Variants in COMMD10 observed in about 807,000 individuals in gnomAD.
The protein encoded by COMMD10 is COMM domain containing 10.
A neutral mutation model predicts 28.9 loss-of-function variants in COMMD10; 33 were observed. That is an observed-to-expected ratio of 1.14 (90% CI 0.87 to 1.53). The LOEUF (loss-of-function observed/expected upper bound fraction) is 1.53, where lower values mean the gene tolerates loss of function less well. COMMD10 is among the 40% of genes most tolerant of loss of function. COMMD10 has a pLI of 0.00. For missense variants in COMMD10, 310 were observed against 233.4 expected (o/e 1.33, Z -2.14); for synonymous variants, 110 against 81.7 (o/e 1.35, Z -1.87).
At chr5:116,204,541 A>G (rs1482272130) in intron 5 of COMMD10, among the ~76,000 whole-genome samples, 1 of 152,088 alleles carries the variant, frequency 6.6e-6, no homozygotes, top group Non-Finnish European at 1.5e-5. Context: ...AATATCTAAT[A>G]GTATAATCTT....
intron 5 of COMMD10, among the ~76,000 whole-genome samples, chr5:116,279,757 A>T (rs1452679680): frequency 6.6e-6 from 1 of 151,830 alleles, no homozygotes; most frequent in Non-Finnish European, 1.5e-5. Context: ...TTGTTGGTCT[A>T]ATTGGTGTAA....
intron 5 of COMMD10, among the ~76,000 whole-genome samples, chr5:116,233,800 G>C (rs753199477): frequency 2.0e-5 from 3 of 152,142 alleles, no homozygotes; most frequent in Admixed American, 2.0e-4. Flanking sequence ...GATTGGAAGA[G>C]GAGAGGTGAG....
intron 5 of COMMD10, among the ~76,000 whole-genome samples, chr5:116,206,237 C>G (rs1748810192): frequency 6.6e-6 from 1 of 152,158 alleles, no homozygotes; most frequent in South Asian, 2.1e-4. Context: ...TTTAAACTTC[C>G]TACTCTATTT....
At chr5:116,248,264 A>G (rs927356734) in intron 5 of COMMD10, among the ~76,000 whole-genome samples, 3 of 152,010 alleles carry the variant, frequency 2.0e-5, no homozygotes, top group African/African-American at 7.2e-5. Flanking sequence ...GAGTGCATAA[A>G]TTGACTTAAG....
intron 4 of COMMD10, among the ~76,000 whole-genome samples, chr5:116,127,833 T>C (rs1021180093): frequency 3.9e-5 from 6 of 151,946 alleles, no homozygotes; most frequent in African/African-American, 1.4e-4. Flanking sequence ...GTAAATGACA[T>C]GTTAACGGGT....
At chr5:116,249,469 ATTC>A (rs751358572) in intron 5 of COMMD10, among the ~76,000 whole-genome samples, 5 of 151,984 alleles carry the variant, frequency 3.3e-5, no homozygotes, top group Non-Finnish European at 7.4e-5. Context: ...ATAAAAAAGA[ATTC>A]TTATATAAGC....
At chr5:116,281,478 T>C (rs901720393) in intron 5 of COMMD10, among the ~76,000 whole-genome samples, 1 of 151,804 alleles carries the variant, frequency 6.6e-6, no homozygotes, top group Admixed American at 6.6e-5. Flanking sequence ...ATTTTCACTT[T>C]CGTTTCACTT....
At position 116,207,550 on chromosome 5, in the gene COMMD10, A is replaced by G. The variant is rs190753398; in HGVS notation, c.510+73372A>G. Among the ~76,000 whole-genome samples the G allele has an allele frequency of 3.4e-4, 52 of 152,154 alleles. 1 individual carries two copies. The East Asian group carries it at 8.7e-3, about 25-fold the overall frequency. On this transcript the variant is annotated intron_variant, in intron 5 of 6. Coordinates refer to ENST00000274458, the MANE Select transcript of COMMD10 (RefSeq NM_016144.4). ...TTTCAGATTTTTTTTTCTTGAGACA[A>G]AGTCTCACTCTGTCACCCAAGCTGG... is the stretch of plus-strand genomic sequence containing the variant.
intron 5 of COMMD10, among the ~76,000 whole-genome samples, chr5:116,267,438 G>T (rs1303697392): frequency 1.3e-5 from 2 of 151,762 alleles, no homozygotes; most frequent in Non-Finnish European, 2.9e-5. Flanking sequence ...ACTGCTCAAC[G>T]AAATAAAAGA....
At chr5:116,285,379 C>A (rs1751190731) in intron 5 of COMMD10, among the ~76,000 whole-genome samples, 1 of 151,832 alleles carries the variant, frequency 6.6e-6, no homozygotes, top group African/African-American at 2.4e-5. Context: ...GGCCTGCCAC[C>A]CTTTCCTTTT....
chr5:116,150,447 A>G (rs149263341), intron 5 of COMMD10, among the ~76,000 whole-genome samples: 1 of 151,972 alleles, frequency 6.6e-6, no homozygotes, highest in Non-Finnish European at 1.5e-5. Flanking sequence ...TTACCTTGGG[A>G]AGTATGGCTA....
intron 5 of COMMD10, among the ~76,000 whole-genome samples, chr5:116,236,023 G>T (rs10077356): frequency 1.3e-5 from 2 of 151,740 alleles, no homozygotes; most frequent in Non-Finnish European, 1.5e-5. Flanking sequence ...TTTTATTTGC[G>T]GCATTATGTT....
chr5:116,192,978 C>T (rs1458180559), intron 5 of COMMD10, among the ~76,000 whole-genome samples: 3 of 152,166 alleles, frequency 2.0e-5, no homozygotes, highest in South Asian at 2.1e-4. Flanking sequence ...AGCAGAAACC[C>T]TATAAGCTAG....
intron 5 of COMMD10, among the ~76,000 whole-genome samples, chr5:116,206,272 G>GA (rs1158841709): frequency 6.6e-6 from 1 of 152,128 alleles, no homozygotes; most frequent in Non-Finnish European, 1.5e-5. Context: ...CCTTAGAGTT[G>GA]AAACAGCAGT....
rs1159702623 is a variant in COMMD10, at chr5:116,149,913, A to G, written c.510+15735A>G. 4.0e-4 allele frequency among the ~76,000 whole-genome samples: 60 copies of G among 151,808 alleles called. 1 individual carries two copies. The highest frequency in any genetic ancestry group is 3.9e-3 in the Admixed American group (59 of 15,222). On this transcript the variant is annotated intron_variant, in intron 5 of 6. Coordinates refer to ENST00000274458, the MANE Select transcript of COMMD10 (RefSeq NM_016144.4). ...TTGTTGCCATTGCTTTTGGTGTTTT[A>G]GACATGAAGTCGTTGCCCATGCCTA...
At chr5:116,165,188 T>C (rs994728050) in intron 5 of COMMD10, among the ~76,000 whole-genome samples, 1 of 152,222 alleles carries the variant, frequency 6.6e-6, no homozygotes, top group Non-Finnish European at 1.5e-5. Context: ...GTCTGAATTA[T>C]CTGGTTCCAT....
At chr5:116,225,353 G>GTTTTTTTTTTTTTTTTTTTTTT (rs143964154) in intron 5 of COMMD10, among the ~76,000 whole-genome samples, 2 of 116,512 alleles carry the variant, frequency 1.7e-5, no homozygotes, top group Non-Finnish European at 3.4e-5. Flanking sequence ...TTTTTTTGGG[G>GTTTTTTTTTTTTTTTTTTTTTT]ATTTTTTTTT....
chr5:116,241,583 CTTATTTA>C (rs1749812381), intron 5 of COMMD10, among the ~76,000 whole-genome samples: 1 of 140,448 alleles, frequency 7.1e-6, no homozygotes, highest in African/African-American at 2.6e-5. Context: ...ACTCTGCTTT[CTTATTTA>C]TTTATTTATT....
At position 116,270,648 on chromosome 5, in the gene COMMD10, T is replaced by C. The variant is rs1460433774; in HGVS notation, c.511-20869T>C. Among the ~76,000 whole-genome samples the C allele has an allele frequency of 3.3e-5, 5 of 151,732 alleles. No individual in the cohort carries two copies. In the East Asian group the frequency reaches 9.7e-4, roughly 29 times the overall value. On this transcript the variant is annotated intron_variant, in intron 5 of 6. Coordinates refer to ENST00000274458, the MANE Select transcript of COMMD10 (RefSeq NM_016144.4). ...ATTCCCATTATATAAAGGTTATATA[T>C]AAATTAGGACGGACACGGTGGCTCA...
Sources: allele counts gnomAD v4.1 joint callset (sites outside exome capture counted in the v4.1 genomes callset), GRCh38; gene constraint gnomAD v4.1.1; transcripts MANE v1.5; gene names NCBI Gene and HGNC (gene_info 2026-07-23, HGNC 2026-07-21).